The following HDAC9 variants were observed in gnomAD, a reference collection of about 807,000 sequenced individuals.
HDAC9 encodes histone deacetylase 9.
In HDAC9, 41 loss-of-function variants were observed where a neutral mutation model predicts 139.4. The observed-to-expected ratio is 0.29, with a 90% CI of 0.23 to 0.38. The LOEUF (loss-of-function observed/expected upper bound fraction) is 0.38. Among genes scored for constraint, HDAC9 ranks in the 10% least tolerant of loss-of-function variants. HDAC9 has a pLI of 1.00. For synonymous variants in HDAC9, 517 were observed against 476.2 expected, an observed-to-expected ratio of 1.09 and a Z score of -1.12; for missense variants, 1,147 against 1,297.0, an observed-to-expected ratio of 0.88 and a Z score of 1.78.
chr7:18,319,524 A>G (rs904532351), intron 1 of HDAC9, among the ~76,000 whole-genome samples: 2 of 152,240 alleles, frequency 1.3e-5, no homozygotes, highest in African/African-American at 4.8e-5. Flanking sequence ...TATTCTTGCA[A>G]AGCCTAAATT....
intron 1 of HDAC9, among the ~76,000 whole-genome samples, chr7:18,349,976 G>C (rs1782729682): frequency 6.6e-6 from 1 of 152,080 alleles, no homozygotes; most frequent in African/African-American, 2.4e-5. Context: ...TACTTCGTTT[G>C]TGCCAGTTCT....
intron 7 of HDAC9, among the ~76,000 whole-genome samples, chr7:18,632,709 G>A (rs1279197166): frequency 6.6e-6 from 1 of 152,050 alleles, no homozygotes; most frequent in Non-Finnish European, 1.5e-5. Flanking sequence ...TGATCCTTTT[G>A]CAAGAGTTTG....
At chr7:18,846,706 G>A (rs1275350833) in intron 21 of HDAC9, among the ~76,000 whole-genome samples, 2 of 152,108 alleles carry the variant, frequency 1.3e-5, no homozygotes, top group Non-Finnish European at 2.9e-5. Context: ...GGCAAAGAAT[G>A]GAAAAATTAT....
intron 1 of HDAC9, among the ~76,000 whole-genome samples, chr7:18,148,587 G>C (rs1786520280): frequency 6.6e-6 from 1 of 152,154 alleles, no homozygotes; most frequent in African/African-American, 2.4e-5. Context: ...CTCCTGAGTA[G>C]CTGGGATTAC....
chr7:18,940,495 A>G (rs1394846673), intron 23 of HDAC9, among the ~76,000 whole-genome samples: 1 of 152,116 alleles, frequency 6.6e-6, no homozygotes, highest in African/African-American at 2.4e-5. Flanking sequence ...CATGATGAAT[A>G]TTTTTGATCT....
At chr7:18,590,518 C>A (rs561739274) in intron 4 of HDAC9, 32 bp downstream of exon 4, 1 of 1,566,744 alleles carries the variant, frequency 6.4e-7, no homozygotes, top group Non-Finnish European at 8.7e-7. Flanking sequence ...GATGGACTCT[C>A]TTTCCTCATC....
chr7:18,428,432 TA>T (rs1384916499), intron 1 of HDAC9, among the ~76,000 whole-genome samples: 1 of 152,184 alleles, frequency 6.6e-6, no homozygotes, highest in Non-Finnish European at 1.5e-5. Context: ...AGAAAATTAA[TA>T]ATCTCATTTA....
chr7:18,162,562 G>A (rs949059692), intron 2 of HDAC9: 3 of 573,662 alleles, frequency 5.2e-6, no homozygotes, highest in African/African-American at 3.8e-5. Flanking sequence ...GATTTGCATT[G>A]TAGTCTGAGC....
chr7:18,297,571 T>C (rs557396284), intron 1 of HDAC9, among the ~76,000 whole-genome samples: 34 of 152,290 alleles, frequency 2.2e-4, no homozygotes, highest in African/African-American at 5.8e-4. Flanking sequence ...TTTAACAACA[T>C]GTTAAATGTT....
At chr7:18,191,437 T>C (rs1257892370) in intron 2 of HDAC9, among the ~76,000 whole-genome samples, 1 of 152,230 alleles carries the variant, frequency 6.6e-6, no homozygotes, top group Non-Finnish European at 1.5e-5. Context: ...ATCATGTTTC[T>C]TTACACGGTT....
At chr7:18,915,447 GA>G (rs1292480748) in intron 22 of HDAC9, among the ~76,000 whole-genome samples, 1 of 151,540 alleles carries the variant, frequency 6.6e-6, no homozygotes, top group African/African-American at 2.4e-5. Flanking sequence ...AATAAAAGTA[GA>G]ATGCCTCACT....
At chr7:18,531,013 G>A (rs914225632) in intron 2 of HDAC9, among the ~76,000 whole-genome samples, 4 of 151,902 alleles carry the variant, frequency 2.6e-5, no homozygotes, top group African/African-American at 9.7e-5. Flanking sequence ...TTACTCGTAT[G>A]CTTCTAGTGC....
At chr7:18,706,160 C>CTT (rs1165670432) in intron 12 of HDAC9, among the ~76,000 whole-genome samples, 1,064 of 86,404 alleles carry the variant, frequency 0.012, 2 homozygotes, top group Non-Finnish European at 0.019. Flanking sequence ...GAAAGTTTTC[C>CTT]TTTTTTTTTT....
intron 6 of HDAC9, among the ~76,000 whole-genome samples, chr7:18,596,833 T>A (rs1411736568): frequency 6.6e-6 from 1 of 152,162 alleles, no homozygotes; most frequent in Non-Finnish European, 1.5e-5. Context: ...TATTTTAGTT[T>A]CTTTTAAATC....
intron 1 of HDAC9, among the ~76,000 whole-genome samples, chr7:18,366,612 A>T (rs1784200455): frequency 6.6e-6 from 1 of 152,078 alleles, no homozygotes; most frequent in African/African-American, 2.4e-5. Context: ...TTCCATAACC[A>T]CATTTTTTCT....
At chr7:18,488,403 T>G (rs1308651519) in intron 1 of HDAC9, among the ~76,000 whole-genome samples, 1 of 152,038 alleles carries the variant, frequency 6.6e-6, no homozygotes, top group Non-Finnish European at 1.5e-5. Flanking sequence ...CAAAATGATG[T>G]TAAGTTGCTT....
chr7:18,993,988 C>A (rs1181922577), intron 25 of HDAC9, among the ~76,000 whole-genome samples: 7 of 152,158 alleles, frequency 4.6e-5, no homozygotes, highest in Non-Finnish European at 1.0e-4. Context: ...ATTGTACCTG[C>A]AAGTTGCCCT....
At chr7:18,503,829 T>C (rs1192569302) in intron 2 of HDAC9, among the ~76,000 whole-genome samples, 5 of 152,254 alleles carry the variant, frequency 3.3e-5, no homozygotes, top group African/African-American at 1.2e-4. Context: ...GTTGCAGCCA[T>C]GTGGATGTTA....
chr7:18,234,041 C>T (rs1001091709), intron 2 of HDAC9, among the ~76,000 whole-genome samples: 34 of 152,082 alleles, frequency 2.2e-4, no homozygotes, highest in African/African-American at 7.5e-4. Context: ...TTAATCTGGA[C>T]GTTTTCACCT....
Sources: gnomAD v4.1 joint callset for allele counts (sites outside exome capture counted in the v4.1 genomes callset) on GRCh38, gnomAD v4.1.1 for gene constraint, MANE v1.5 for transcripts, NCBI Gene and HGNC (gene_info 2026-07-23, HGNC 2026-07-21) for gene names.